Variants in PLSCR2 observed in about 807,000 individuals in gnomAD.
PLSCR2 encodes phospholipid scramblase 2, also known as PL scramblase 2.
In PLSCR2, 18 loss-of-function variants were observed where a neutral mutation model predicts 25.3. The observed-to-expected ratio is 0.71, with a 90% confidence interval of 0.49 to 1.06. The LOEUF (loss-of-function observed/expected upper bound fraction) is 1.06, where lower values mean the gene tolerates loss of function less well. Among genes scored for constraint, PLSCR2 ranks in the 50% least tolerant of loss-of-function variants. The pLI is 0.00. For missense variants in PLSCR2, 243 were observed against 269.5 expected (o/e 0.90, Z 0.69); for synonymous variants, 88 against 87.3 (o/e 1.01, Z -0.04).
chr3:146,468,328 G>T (rs1445221720), intron 1 of PLSCR2, among the ~76,000 whole-genome samples: 1 of 152,190 alleles, frequency 6.6e-6, no homozygotes, highest in Admixed American at 6.5e-5. Context: ...GTTCAAGAAA[G>T]AAAGGAGCCC....
chr3:146,481,029 AC>A, intron 1 of PLSCR2, among the ~76,000 whole-genome samples: 1 of 152,274 alleles, frequency 6.6e-6, no homozygotes, highest in African/African-American at 2.4e-5. Flanking sequence ...AAAAAATTCA[AC>A]AGCTCCTCAT....
intron 1 of PLSCR2, among the ~76,000 whole-genome samples, chr3:146,467,353 G>T (rs2041917518): frequency 6.6e-6 from 1 of 152,072 alleles, no homozygotes; most frequent in Non-Finnish European, 1.5e-5. Flanking sequence ...CTTTATCACT[G>T]CTCAAAAACT....
At chr3:146,460,251 G>A (rs1321224248) in exon 1 of PLSCR2, 1 of 1,361,400 alleles carries the variant, frequency 7.3e-7, no homozygotes, top group African/African-American at 1.5e-5. Context: ...AATATCTGTG[G>A]TTTCACATTC....
chr3:146,439,332 G>A (rs977607535), downstream of PLSCR2, among the ~76,000 whole-genome samples: 20 of 152,192 alleles, frequency 1.3e-4, no homozygotes, highest in African/African-American at 4.8e-4. Context: ...GCCTTGCTAG[G>A]TTGGGGAAGT....
At chr3:146,420,559 T>G (rs1007408364) in intron 2 of PLSCR2, among the ~76,000 whole-genome samples, 11 of 152,048 alleles carry the variant, frequency 7.2e-5, no homozygotes, top group African/African-American at 2.2e-4. Context: ...AATAAATTGG[T>G]TGTCTTTCAA....
At chr3:146,470,995 T>C (rs1312028510) in intron 1 of PLSCR2, among the ~76,000 whole-genome samples, 2 of 152,174 alleles carry the variant, frequency 1.3e-5, no homozygotes, top group African/African-American at 4.8e-5. Flanking sequence ...CAGTAAATGT[T>C]ATATACATAC....
intron 1 of PLSCR2, among the ~76,000 whole-genome samples, chr3:146,471,950 A>ATTTTTTTT (rs2042134327): frequency 6.6e-6 from 1 of 152,112 alleles, no homozygotes; most frequent in South Asian, 2.1e-4. Context: ...ATTTTCAGTG[A>ATTTTTTTT]TTTTTACTTT....
intron 3 of PLSCR2, among the ~76,000 whole-genome samples, chr3:146,393,978 C>T (rs2107971051): frequency 6.6e-6 from 1 of 152,012 alleles, no homozygotes; most frequent in African/African-American, 2.4e-5. Flanking sequence ...CTTTTTAACA[C>T]TTGTCTCTAT....
intron 1 of PLSCR2, among the ~76,000 whole-genome samples, chr3:146,478,452 G>T (rs546866109): frequency 5.3e-5 from 8 of 152,274 alleles, no homozygotes; most frequent in Admixed American, 3.9e-4. Context: ...GCATGCACAA[G>T]CTTCAGTAGC....
chr3:146,476,793 T>C (rs1576721373), intron 1 of PLSCR2, among the ~76,000 whole-genome samples: 1 of 152,292 alleles, frequency 6.6e-6, no homozygotes, highest in East Asian at 1.9e-4. Context: ...CCTTACTGGG[T>C]GGGGCCTCCC....
intron 1 of PLSCR2, among the ~76,000 whole-genome samples, chr3:146,491,189 C>T (rs1275028316): frequency 2.0e-5 from 3 of 152,102 alleles, no homozygotes; most frequent in African/African-American, 7.2e-5. Context: ...TCTCTTCTGG[C>T]TTGTGTGGTT....
intron 1 of PLSCR2, among the ~76,000 whole-genome samples, chr3:146,485,915 A>G (rs1196014361): frequency 6.6e-6 from 1 of 152,076 alleles, no homozygotes; most frequent in African/African-American, 2.4e-5. Flanking sequence ...TTTTAAAACC[A>G]TCAGATCTTG....
chr3:146,481,645 C>T (rs1011701460), intron 1 of PLSCR2, among the ~76,000 whole-genome samples: 4 of 152,172 alleles, frequency 2.6e-5, no homozygotes, highest in East Asian at 1.9e-4. Flanking sequence ...GTGAAAATGG[C>T]CATACTGCCC....
chr3:146,416,428 A>G (rs1234585555), intron 2 of PLSCR2: 5 of 152,190 alleles, frequency 3.3e-5, no homozygotes, highest in Non-Finnish European at 5.9e-5. Flanking sequence ...AAAATTTTTT[A>G]TAACAAGTTA....
chr3:146,479,469 C>A (rs1446008157), intron 1 of PLSCR2, among the ~76,000 whole-genome samples: 6 of 152,074 alleles, frequency 3.9e-5, no homozygotes, highest in Admixed American at 1.3e-4. Flanking sequence ...AGAATTTAAA[C>A]CAACAAAGAT....
At chr3:146,485,049 T>C (rs1024802738) in intron 1 of PLSCR2, among the ~76,000 whole-genome samples, 3 of 151,606 alleles carry the variant, frequency 2.0e-5, no homozygotes, top group African/African-American at 7.3e-5. Flanking sequence ...ACCTATCTTC[T>C]GTACAAAGAC....
intron 2 of PLSCR2, among the ~76,000 whole-genome samples, chr3:146,420,980 GGT>G (rs555385659): frequency 6.6e-6 from 1 of 151,986 alleles, no homozygotes; most frequent in African/African-American, 2.4e-5. Flanking sequence ...GATGTTGTGT[GGT>G]CACTTAGATT....
chr3:146,460,818 G>A (rs900888431), upstream of PLSCR2, among the ~76,000 whole-genome samples: 211 of 152,272 alleles, frequency 1.4e-3, 1 homozygote, highest in East Asian at 9.6e-4. Flanking sequence ...TCAGATGCTT[G>A]TCTGGGCCAA....
At chr3:146,490,979 A>AG (rs2043529948) in intron 1 of PLSCR2, among the ~76,000 whole-genome samples, 1 of 152,112 alleles carries the variant, frequency 6.6e-6, no homozygotes, top group Non-Finnish European at 1.5e-5. Flanking sequence ...TTGTGGAGAC[A>AG]GCTACAGTTC....
Sources: allele counts gnomAD v4.1 joint callset (sites outside exome capture counted in the v4.1 genomes callset), GRCh38; gene constraint gnomAD v4.1.1; transcripts MANE v1.5; gene names NCBI Gene and HGNC (gene_info 2026-07-23, HGNC 2026-07-21).